LARP1B: variants seen among roughly 807,000 people sequenced by gnomAD.
LARP1B encodes the protein La ribonucleoprotein 1B.
A neutral mutation model predicts 114.2 loss-of-function variants in LARP1B; 76 were observed. That is an observed-to-expected ratio of 0.67 (90% CI 0.55 to 0.81). The LOEUF is 0.81. Among genes scored for constraint, LARP1B ranks in the 30% least tolerant of loss-of-function variants. LARP1B has a pLI of 0.00. For missense variants in LARP1B, 1,014 were observed against 1,075.8 expected (o/e 0.94, Z 0.80); for synonymous variants, 345 against 348.0 (o/e 0.99, Z 0.10).
intron 5 of LARP1B, among the ~76,000 whole-genome samples, chr4:128,083,611 C>T (rs559888429): frequency 1.4e-5 from 2 of 139,346 alleles, no homozygotes; most frequent in South Asian, 2.3e-4. Flanking sequence ...GGCGGCTGGC[C>T]GGGCGGGGTG....
At chr4:128,078,444 C>CA (rs970096379) in intron 4 of LARP1B, among the ~76,000 whole-genome samples, 1 of 151,698 alleles carries the variant, frequency 6.6e-6, no homozygotes, top group Non-Finnish European at 1.5e-5. Flanking sequence ...TAAAAATACA[C>CA]AAAAAAATTA....
chr4:128,098,345 G>C lies in LARP1B; in HGVS notation c.813+15G>C. The C allele has an allele frequency of 6.3e-7, 1 of 1,588,970 alleles. No individual in the cohort carries two copies. On this transcript the variant is annotated intron_variant, in intron 8 of 19. Coordinates refer to ENST00000326639, the MANE Select transcript of LARP1B (RefSeq NM_018078.4). ...TCATCTTAGAGGTAATTGCTCATTTGATGAACAATTTGTACTTTCTGCTCA... is the reference window on the plus strand; with the variant it reads ...TCATCTTAGAGGTAATTGCTCATTTCATGAACAATTTGTACTTTCTGCTCA...
At chr4:128,098,795 T>A (rs2893240) in intron 8 of LARP1B, among the ~76,000 whole-genome samples, 2 of 100,606 alleles carry the variant, frequency 2.0e-5, no homozygotes, top group Non-Finnish European at 4.2e-5. Flanking sequence ...TTTTTTTTTT[T>A]AAGACAGTGT....
At chr4:128,077,996 T>G (rs1431860513) in intron 4 of LARP1B, 34 bp downstream of exon 4, 3 of 1,430,762 alleles carry the variant, frequency 2.1e-6, no homozygotes, top group Non-Finnish European at 2.8e-6. Flanking sequence ...TTGATTTTAG[T>G]TTTTGAAGAA....
At chr4:128,061,964 C>A (rs1760274452) in intron 1 of LARP1B, 1 of 985,058 alleles carries the variant, frequency 1.0e-6, no homozygotes, top group African/African-American at 1.7e-5. Context: ...GCACCTGGCG[C>A]ACAAGGCGCG....
intron 15 of LARP1B, among the ~76,000 whole-genome samples, chr4:128,193,695 C>T (rs922557486): frequency 1.3e-5 from 2 of 152,094 alleles, no homozygotes; most frequent in African/African-American, 4.8e-5. Context: ...TGGCTCACTG[C>T]AACCCCTGCC....
chr4:128,072,491 T>C (rs1023595249), intron 1 of LARP1B, among the ~76,000 whole-genome samples: 4 of 152,192 alleles, frequency 2.6e-5, no homozygotes, highest in Non-Finnish European at 5.9e-5. Flanking sequence ...ATTTCCTCCA[T>C]GTTAAAACAT....
At chr4:128,092,047 A>G (rs1776111646) in intron 7 of LARP1B, among the ~76,000 whole-genome samples, 1 of 152,186 alleles carries the variant, frequency 6.6e-6, no homozygotes, top group South Asian at 2.1e-4. Context: ...CCTGGCTTCT[A>G]TAGTATTTAG....
rs769677529 is a variant in LARP1B at position 128,091,075 on chromosome 4, CGAGGTTCCTTTA to C, written c.439_450del (p.Ser147_Gly150del). 1 of 1,613,746 alleles carries C rather than the reference CGAGGTTCCTTTA, an allele frequency of 6.2e-7. No homozygotes were observed. Among genetic ancestry groups the C allele is most frequent in the Non-Finnish European group, 8.5e-7 (1 of 1,179,822 alleles). Reference sequence around the variant, plus strand: ...TGTGAGAAGTGAGGGTGGTAATATCCGAGGTTCCTTTAGAGGTCGAGGAAGAGGCCGAGGACG... The same window carrying C: ...TGTGAGAAGTGAGGGTGGTAATATCCGAGGTCGAGGAAGAGGCCGAGGACG... On this transcript the variant is annotated inframe_deletion, in exon 6 of 20. Coordinates refer to ENST00000326639, the MANE Select transcript of LARP1B (RefSeq NM_018078.4).
intron 11 of LARP1B, among the ~76,000 whole-genome samples, chr4:128,144,728 C>T (rs1432033783): frequency 6.6e-6 from 1 of 152,058 alleles, no homozygotes; most frequent in Non-Finnish European, 1.5e-5. Context: ...CATTTTCATT[C>T]TATTTTTAGG....
At chr4:128,170,872 C>CTTTTTTTTTTTTTTTTTTTTTT (rs70966085) in intron 12 of LARP1B, among the ~76,000 whole-genome samples, 1 of 95,016 alleles carries the variant, frequency 1.1e-5, no homozygotes, top group Non-Finnish European at 2.2e-5. Context: ...TTTTTCTTTT[C>CTTTTTTTTTTTTTTTTTTTTTT]TTTTTTTTTT....
chr4:128,064,889 A>G (rs1295227473), intron 1 of LARP1B, among the ~76,000 whole-genome samples: 1 of 152,110 alleles, frequency 6.6e-6, no homozygotes, highest in Non-Finnish European at 1.5e-5. Flanking sequence ...AGCCTGGGCA[A>G]TATAGCAAGA....
chr4:128,170,083 G>T (rs180829956), intron 12 of LARP1B, among the ~76,000 whole-genome samples: 1 of 151,846 alleles, frequency 6.6e-6, no homozygotes, highest in Non-Finnish European at 1.5e-5. Context: ...GAGTGTATTC[G>T]GTGTAATTTC....
At chr4:128,145,500 T>C (rs941577843) in intron 11 of LARP1B, among the ~76,000 whole-genome samples, 2 of 152,180 alleles carry the variant, frequency 1.3e-5, no homozygotes, top group Non-Finnish European at 2.9e-5. Flanking sequence ...CCTGAACATA[T>C]GTGCTCTGCC....
intron 11 of LARP1B, among the ~76,000 whole-genome samples, chr4:128,153,292 CATTTATTT>C (rs36202530): frequency 0.014 from 1,958 of 140,970 alleles, 55 homozygotes; most frequent in East Asian, 0.1. Context: ...CTTGGTTTGC[CATTTATTT>C]ATTTATTTAT....
chr4:128,142,801 C>T (rs919644420), intron 11 of LARP1B, among the ~76,000 whole-genome samples: 4 of 151,060 alleles, frequency 2.6e-5, no homozygotes, highest in African/African-American at 9.7e-5. Context: ...AGCCACTGTG[C>T]CTGGGTTATG....
chr4:128,140,424 C>T (rs993402823), intron 11 of LARP1B, among the ~76,000 whole-genome samples: 38 of 152,102 alleles, frequency 2.5e-4, no homozygotes, highest in African/African-American at 8.7e-4. Flanking sequence ...AGGGTTCATA[C>T]ACAATATGAC....
intron 11 of LARP1B, among the ~76,000 whole-genome samples, chr4:128,136,912 T>C (rs1398725280): frequency 1.3e-5 from 2 of 152,090 alleles, no homozygotes; most frequent in Non-Finnish European, 2.9e-5. Context: ...AAGCTAGTGA[T>C]TAATAATAAT....
chr4:128,105,590 T>C (rs960844311), intron 8 of LARP1B, among the ~76,000 whole-genome samples: 2 of 152,178 alleles, frequency 1.3e-5, no homozygotes, highest in African/African-American at 4.8e-5. Flanking sequence ...CTAATTGTAA[T>C]TTAAAGGAAT....
Sources: gnomAD v4.1 joint callset for allele counts (sites outside exome capture counted in the v4.1 genomes callset) on GRCh38, gnomAD v4.1.1 for gene constraint, MANE v1.5 for transcripts, NCBI Gene and HGNC (gene_info 2026-07-23, HGNC 2026-07-21) for gene names.